WDR44: variants seen among roughly 807,000 people sequenced by gnomAD.
WDR44 encodes the protein WD repeat domain 44, also known as WD repeat-containing protein 44.
In WDR44, 9 loss-of-function variants were observed where a neutral mutation model predicts 65.7. The ratio of observed to expected loss-of-function variants is 0.14; its 90% CI spans 0.08 to 0.24. WDR44 has a LOEUF of 0.24. WDR44 is among the 10% of genes least tolerant of loss of function. The pLI, the probability that WDR44 is intolerant of heterozygous loss-of-function variation, is 1.00. For synonymous variants in WDR44, 220 were observed against 235.2 expected (o/e 0.94, Z 0.59); for missense variants, 425 against 670.9 (o/e 0.63, Z 4.05).
chrX:118,383,544 T>C lies in WDR44; in HGVS notation c.112-3796T>C, dbSNP rs189667039. Among the ~76,000 whole-genome samples, 311 of 112,171 alleles carry C rather than the reference T, an allele frequency of 2.8e-3. 2 individuals carry two copies. Among genetic ancestry groups the C allele is most frequent in the African/African-American group, 9.7e-3 (299 of 30,963 alleles). On this transcript the variant is annotated intron_variant, in intron 2 of 19. Coordinates refer to ENST00000254029, the MANE Select transcript of WDR44 (RefSeq NM_019045.5). ...TGCTGTACAATGCTTCTGATTTTCC[T>C]ACTGATAAACAGTTATTAGAAAATA...
rs917382121 is a variant in WDR44 at position 118,444,235 on chromosome X, G to A, written c.2513-125G>A. On this transcript the variant is annotated intron_variant, in intron 18 of 19. Coordinates refer to ENST00000254029, the MANE Select transcript of WDR44 (RefSeq NM_019045.5). ...TGTGATTTTTTTTAGAAAAATTTTT[G>A]GGTTTTAAATCACTCTTAGTTACTT... The A allele has an allele frequency of 2.5e-5, 19 of 755,791 alleles. No homozygotes were observed. In the African/African-American group the frequency reaches 3.8e-4, roughly 15 times the overall value. The allele number at this position is 755,791 out of a possible 1,213,427, so 62.3% of individuals were successfully genotyped here.
intron 12 of WDR44, among the ~76,000 whole-genome samples, chrX:118,419,699 G>A (rs958614439): frequency 8.9e-5 from 10 of 111,991 alleles, no homozygotes; most frequent in African/African-American, 2.9e-4. Context: ...CCTGCCTCCT[G>A]TCTGCCATGA....
chrX:118,390,687 G>T (rs933480135), intron 3 of WDR44, among the ~76,000 whole-genome samples: 6 of 111,497 alleles, frequency 5.4e-5, no homozygotes, highest in Admixed American at 4.8e-4. Flanking sequence ...CTCACTTTCA[G>T]CCGATAACCT....
chrX:118,354,995 T>C (rs2056446468), intron 1 of WDR44, among the ~76,000 whole-genome samples: 1 of 112,515 alleles, frequency 8.9e-6, no homozygotes. Flanking sequence ...AGAATAGCTG[T>C]GGATGAACTT....
intron 12 of WDR44, among the ~76,000 whole-genome samples, chrX:118,425,296 G>A (rs1288022939): frequency 8.9e-6 from 1 of 112,107 alleles, no homozygotes; most frequent in East Asian, 2.8e-4. Context: ...AACAGAGAAT[G>A]ACATAATCTG....
At chrX:118,388,968 T>G (rs952421155) in intron 3 of WDR44, among the ~76,000 whole-genome samples, 3 of 112,238 alleles carry the variant, frequency 2.7e-5, no homozygotes, top group South Asian at 3.7e-4. Context: ...AATATTCCTG[T>G]TTTTTCCACT....
intron 2 of WDR44, among the ~76,000 whole-genome samples, chrX:118,382,809 T>G (rs767913921): frequency 9.0e-4 from 101 of 112,029 alleles, no homozygotes; most frequent in African/African-American, 3.2e-3. Context: ...GGAAGCAAAT[T>G]TTTGATACCA....
At chrX:118,369,686 T>G (rs915791815) in intron 1 of WDR44, among the ~76,000 whole-genome samples, 3 of 109,370 alleles carry the variant, frequency 2.7e-5, no homozygotes, top group Non-Finnish European at 5.7e-5. Context: ...GCCAGGATGG[T>G]CTCAATCTCC....
rs112357171 is a variant in WDR44 at position 118,422,774 on chromosome X, G to A, written c.1738-10007G>A. ...AAGGAAGTTAACTATAAGGGAGTGAGAGAATTTTTGTGAAATGTAGGTATG... is the reference window on the plus strand; with the variant it reads ...AAGGAAGTTAACTATAAGGGAGTGAAAGAATTTTTGTGAAATGTAGGTATG... On this transcript the variant is annotated intron_variant, in intron 12 of 19. Transcript: ENST00000254029. 2.3e-4 allele frequency among the ~76,000 whole-genome samples: 26 copies of A among 111,802 alleles called. 1 individual carries two copies. Among genetic ancestry groups the A allele is most frequent in the African/African-American group, 8.1e-4 (25 of 30,813 alleles).
intron 12 of WDR44, among the ~76,000 whole-genome samples, chrX:118,415,891 C>A (rs1386876242): frequency 9.0e-6 from 1 of 111,489 alleles, no homozygotes; most frequent in Non-Finnish European, 1.9e-5. Flanking sequence ...GTATCTATTT[C>A]TTCCTAATTT....
intron 12 of WDR44, among the ~76,000 whole-genome samples, chrX:118,413,342 C>A (rs1490325957): frequency 8.9e-6 from 1 of 112,035 alleles, no homozygotes; most frequent in Non-Finnish European, 1.9e-5. Flanking sequence ...TCACCACATC[C>A]ACGCCAACAT....
intron 13 of WDR44, among the ~76,000 whole-genome samples, chrX:118,434,042 T>C (rs946656838): frequency 2.7e-5 from 3 of 112,294 alleles, no homozygotes; most frequent in East Asian, 5.5e-4. Flanking sequence ...GGAGCATTAC[T>C]CTCTAGCCCA....
rs6645490 is a variant in WDR44, at chrX:118,400,491, G to A, written c.1274+2021G>A. Among the ~76,000 whole-genome samples, 640 of 112,034 alleles carry A rather than the reference G, an allele frequency of 5.7e-3. 3 individuals carry two copies. The highest frequency in any genetic ancestry group is 0.02 in the African/African-American group (605 of 30,889). On this transcript the variant is annotated intron_variant, in intron 8 of 19. Transcript: ENST00000254029. ...AATGTCTGTTTTCTTGGCTTTTAAAGTGGTAGTAAACTTATAATTATCCAG... is the reference window on the plus strand; with the variant it reads ...AATGTCTGTTTTCTTGGCTTTTAAAATGGTAGTAAACTTATAATTATCCAG...
intron 8 of WDR44, among the ~76,000 whole-genome samples, chrX:118,403,767 A>T (rs916073609): frequency 6.3e-5 from 7 of 111,842 alleles, no homozygotes; most frequent in African/African-American, 1.6e-4. Flanking sequence ...GAAGCTTGAG[A>T]TGCATACTTA....
chrX:118,386,021 GAT>G (rs780233865), intron 2 of WDR44, among the ~76,000 whole-genome samples: 1 of 111,249 alleles, frequency 9.0e-6, no homozygotes, highest in East Asian at 2.8e-4. Flanking sequence ...AGTGCTCGAA[GAT>G]ATTGCAAGTC....
intron 14 of WDR44, among the ~76,000 whole-genome samples, chrX:118,438,797 G>GTTTTGTTTTTTTTTT (rs2057276422): frequency 1.6e-5 from 1 of 64,071 alleles, no homozygotes; most frequent in Non-Finnish European, 2.9e-5. Context: ...GTTCAGCCAT[G>GTTTTGTTTTTTTTTT]TTTTTTTTTT....
intron 17 of WDR44, 56 bp downstream of exon 17, chrX:118,442,736 C>G (rs866908102): frequency 1.0e-6 from 1 of 971,038 alleles, no homozygotes; most frequent in Non-Finnish European, 1.5e-6. Context: ...CCCCTAGTTC[C>G]ATTTTTCCAT....
chrX:118,387,316 CTA>C, intron 2 of WDR44, 22 bp from the exon 3 acceptor site: 1 of 1,108,588 alleles, frequency 9.0e-7, no homozygotes. Context: ...CATTTGGTCT[CTA>C]TTTCTTTTCT....
intron 1 of WDR44, among the ~76,000 whole-genome samples, chrX:118,348,076 C>G (rs2056369331): frequency 9.0e-6 from 1 of 111,405 alleles, no homozygotes; most frequent in African/African-American, 3.3e-5. Context: ...GGAGGGAAAT[C>G]ATCAGTTTAT....
Sources: gnomAD v4.1 joint callset for allele counts (sites outside exome capture counted in the v4.1 genomes callset) on GRCh38, gnomAD v4.1.1 for gene constraint, MANE v1.5 for transcripts, NCBI Gene and HGNC (gene_info 2026-07-23, HGNC 2026-07-21) for gene names.